DEF8: variants seen among roughly 807,000 people sequenced by gnomAD.
The protein encoded by DEF8 is differentially expressed in FDCP 8 homolog.
A neutral mutation model predicts 59.1 loss-of-function variants in DEF8; 38 were observed. The ratio of observed to expected loss-of-function variants is 0.64; its 90% CI spans 0.50 to 0.84. The LOEUF (loss-of-function observed/expected upper bound fraction) is 0.84. DEF8 is among the 40% of genes least tolerant of loss of function. The pLI is 0.00. For missense variants in DEF8, 557 were observed against 615.2 expected (o/e 0.91, Z 1.00); for synonymous variants, 265 against 250.1 (o/e 1.06, Z -0.56).
intron 12 of DEF8, among the ~76,000 whole-genome samples, chr16:89,965,546 G>A (rs2034528378): frequency 1.3e-5 from 2 of 152,192 alleles, no homozygotes; most frequent in South Asian, 4.1e-4. Flanking sequence ...GGAGGGATAG[G>A]AACAGGTGGG....
intron 6 of DEF8, among the ~76,000 whole-genome samples, 173 bp from the exon 7 acceptor site, chr16:89,960,758 G>A (rs2033925657): frequency 6.6e-6 from 1 of 152,182 alleles, no homozygotes; most frequent in Non-Finnish European, 1.5e-5. Context: ...AGGCTCAGGG[G>A]CCAGGGAGAA....
intron 4 of DEF8, chr16:89,957,184 C>T (rs1033500200): frequency 2.6e-5 from 5 of 195,608 alleles, no homozygotes; most frequent in Middle Eastern, 2.1e-3. Flanking sequence ...AGAGGAAGCT[C>T]TTCAGAAGGA....
intron 2 of DEF8, among the ~76,000 whole-genome samples, chr16:89,951,881 AT>A (rs111421479): frequency 0.16 from 22,788 of 146,410 alleles, 1,886 homozygotes; most frequent in Middle Eastern, 0.25. Flanking sequence ...TGTAAAAAAG[AT>A]TTTTTTTTTT....
chr16:89,964,474 G>A lies in DEF8; in HGVS notation c.1152G>A (p.Gln384=). Residue 384 remains glutamine (Q), a synonymous_variant, in exon 12 of 13, where the codon CAG becomes CAA. Transcript: ENST00000563594. ...CACACTGTTCCCCCCAGCGGTGCCA[G>A]GCCAAGGGCTTCGTGTGTGAGCTCT... The part of the protein sequence containing the change: ...KHIKLDCERC[Q]AKGFVCELCR... 6.3e-7 allele frequency: 1 copy of A among 1,592,432 alleles called. No homozygotes were observed. Among genetic ancestry groups the A allele is most frequent in the African/African-American group, 1.3e-5 (1 of 74,424 alleles).
At chr16:89,952,099 G>A (rs1225985888) in intron 2 of DEF8, among the ~76,000 whole-genome samples, 3 of 152,148 alleles carry the variant, frequency 2.0e-5, no homozygotes, top group Admixed American at 6.5e-5. Context: ...GGATGGTTTC[G>A]ATCTCCTGAC....
intron 5 of DEF8, 81 bp downstream of exon 5, chr16:89,957,741 T>A: frequency 7.0e-7 from 1 of 1,434,778 alleles, no homozygotes; most frequent in Non-Finnish European, 9.2e-7. Flanking sequence ...TGCCAGCCTC[T>A]GGCTCTCTCT....
chr16:89,959,021 A>G lies in DEF8; in HGVS notation c.380A>G (p.Asn127Ser), dbSNP rs62052242. The stretch of plus-strand genomic sequence containing the variant: ...CTGACTCACCCTCTGCAGGACCCCA[A>G]TGAGGATGAGCCAAACATCCGAGTG... Reference protein sequence around the residue: ...RLKLQELKDPNEDEPNIRVLL... With the variant: ...RLKLQELKDPSEDEPNIRVLL... The change falls in exon 6 of 13, where the codon AAT (asparagine) becomes AGT (serine). Residue 127 changes from asparagine to serine, a missense_variant. Asn to Ser is a conservative substitution (Grantham distance 46, BLOSUM62 1). Coordinates refer to ENST00000563594, the MANE Select transcript of DEF8 (RefSeq NM_001242818.2). The G allele has an allele frequency of 8.0e-4, 1,294 of 1,611,950 alleles. No individual in the cohort carries two copies. Among genetic ancestry groups the G allele is most frequent in the Non-Finnish European group, 9.8e-4 (1,151 of 1,180,006 alleles).
chr16:89,961,436 A>G (rs549869382), intron 7 of DEF8, among the ~76,000 whole-genome samples: 1 of 152,330 alleles, frequency 6.6e-6, no homozygotes, highest in South Asian at 2.1e-4. Flanking sequence ...TAGGGAGAGT[A>G]CACGGTTGTC....
intron 2 of DEF8, among the ~76,000 whole-genome samples, chr16:89,951,855 C>G (rs1292900117): frequency 2.0e-5 from 3 of 152,048 alleles, no homozygotes; most frequent in Non-Finnish European, 2.9e-5. Context: ...TGTATATACA[C>G]ACACATACAT....
rs1269912942 is a variant in DEF8 at position 89,967,993 on chromosome 16, G to A, written c.*2030G>A. The A allele has an allele frequency of 6.6e-6, 1 of 152,514 alleles. No individual in the cohort carries two copies. Among genetic ancestry groups the A allele is most frequent in the East Asian group, 1.9e-4 (1 of 5,214 alleles). The allele number at this position is 152,514 out of a possible 1,614,324, so 9.4% of individuals were successfully genotyped here. A position where few individuals can be genotyped will look rare whatever the true frequency, so the allele number is the denominator to read the frequency against. ...TGGGTGGTCCCACAGCATGGGACCA[G>A]GCTGGCCTGAGGGATGCCCAGTTGT... On this transcript the variant is annotated 3_prime_UTR_variant, in exon 13 of 13. Coordinates refer to ENST00000563594, the MANE Select transcript of DEF8 (RefSeq NM_001242818.2).
chr16:89,955,390 C>T (rs901812159), intron 4 of DEF8, 124 bp downstream of exon 4: 4 of 774,134 alleles, frequency 5.2e-6, no homozygotes, highest in African/African-American at 5.1e-5. Context: ...GGTACAGTCT[C>T]ACTCCATTGT....
chr16:89,965,617 G>C (rs2034537287), intron 12 of DEF8, among the ~76,000 whole-genome samples: 1 of 152,124 alleles, frequency 6.6e-6, no homozygotes, highest in Admixed American at 6.5e-5. Context: ...CCCCTCAGCT[G>C]TGTGAACTGG....
chr16:89,951,818 G>GTAGGTATACACACACACACATATA (rs2032151486), intron 2 of DEF8, among the ~76,000 whole-genome samples: 3 of 151,370 alleles, frequency 2.0e-5, no homozygotes, highest in African/African-American at 7.4e-5. Context: ...TTTCTCATAT[G>GTAGGTATACACACACACACATATA]TATGTATACA....
rs778170975 is a variant in DEF8, at chr16:89,955,234, G to A, written c.190G>A (p.Gly64Ser). Residue 64 changes from glycine (G) to serine (S), a missense_variant, in exon 4 of 13, where the codon GGC (glycine) becomes AGC (serine). Coordinates refer to ENST00000563594, the MANE Select transcript of DEF8 (RefSeq NM_001242818.2). Reference sequence around the variant, plus strand: ...CTGCCCTGAACGCGTGATGGATCTCGGCCTGTCTGAGGACCACTTCTCCCG... The same window carrying A: ...CTGCCCTGAACGCGTGATGGATCTCAGCCTGTCTGAGGACCACTTCTCCCG... ...FRCPERVMDL[G>S]LSEDHFSRPV... 31 of 1,613,644 alleles carry A rather than the reference G, an allele frequency of 1.9e-5. No individual in the cohort carries two copies. The highest frequency in any genetic ancestry group is 2.7e-5 in the African/African-American group (2 of 74,856).
intron 7 of DEF8, 84 bp downstream of exon 7, chr16:89,961,179 TCAGA>T (rs1373929401): frequency 6.5e-7 from 1 of 1,530,164 alleles, no homozygotes; most frequent in Non-Finnish European, 8.8e-7. Context: ...GGCACGTAAG[TCAGA>T]CAGTTGAGTG....
At chr16:89,957,777 CAG>C (rs1277046938) in intron 5 of DEF8, 117 bp downstream of exon 5, 38 of 1,293,876 alleles carry the variant, frequency 2.9e-5, no homozygotes, top group Non-Finnish European at 3.4e-5. Context: ...CTCTCGGCCT[CAG>C]GGGCTGAGGT....
chr16:89,951,745 G>A (rs1287734341), intron 2 of DEF8, among the ~76,000 whole-genome samples: 3 of 152,158 alleles, frequency 2.0e-5, no homozygotes, highest in Admixed American at 2.0e-4. Flanking sequence ...GCAGCAGGAG[G>A]CAGGGATGGC....
At chr16:89,955,020 A>G in intron 3 of DEF8, 149 bp from the exon 4 acceptor site, 1 of 629,158 alleles carries the variant, frequency 1.6e-6, no homozygotes, top group Non-Finnish European at 2.8e-6. Context: ...CGGTGTGCAG[A>G]TCTGAGTGGT....
At chr16:89,961,940 C>A in intron 8 of DEF8, 72 bp from the exon 9 acceptor site, 1 of 1,605,448 alleles carries the variant, frequency 6.2e-7, no homozygotes, top group Admixed American at 1.7e-5. Context: ...GCCGGTGTAC[C>A]CCTGGTTGGG....
Sources: allele counts gnomAD v4.1 joint callset (sites outside exome capture counted in the v4.1 genomes callset), GRCh38; gene constraint gnomAD v4.1.1; transcripts MANE v1.5; gene names NCBI Gene and HGNC (gene_info 2026-07-23, HGNC 2026-07-21).